DIAPH2: variants seen among roughly 807,000 people sequenced by gnomAD.
DIAPH2 encodes the protein protein diaphanous homolog 2.
In DIAPH2, 35 loss-of-function variants were observed where a neutral mutation model predicts 92.7. That is an observed-to-expected ratio of 0.38 (90% CI 0.29 to 0.50). The LOEUF (loss-of-function observed/expected upper bound fraction) is 0.50, where lower values mean the gene tolerates loss of function less well. Among genes scored for constraint, DIAPH2 ranks in the 20% least tolerant of loss-of-function variants. The probability of loss-of-function intolerance (pLI) is 0.94; values close to 1 mark genes in which losing one functional copy is unlikely to be tolerated. For synonymous variants in DIAPH2, 301 were observed against 280.4 expected, an observed-to-expected ratio of 1.07 and a Z score of -0.73; for missense variants, 701 against 819.5, an observed-to-expected ratio of 0.86 and a Z score of 1.77.
At chrX:96,880,902 T>C (rs761716296) in intron 4 of DIAPH2, among the ~76,000 whole-genome samples, 1 of 111,514 alleles carries the variant, frequency 9.0e-6, no homozygotes, top group Non-Finnish European at 1.9e-5. Context: ...TAGAAACAAC[T>C]CCATCTATAT....
At chrX:96,804,360 G>A (rs1305174250) in intron 4 of DIAPH2, among the ~76,000 whole-genome samples, 1 of 111,204 alleles carries the variant, frequency 9.0e-6, no homozygotes, top group Non-Finnish European at 1.9e-5. Flanking sequence ...TTCTCTCTCT[G>A]CCTCTGCCAT....
chrX:97,553,193 G>A (rs755998626), intron 26 of DIAPH2, among the ~76,000 whole-genome samples: 1 of 112,155 alleles, frequency 8.9e-6, no homozygotes, highest in Non-Finnish European at 1.9e-5. Flanking sequence ...AACTTTGGTT[G>A]TACAATTTCC....
intron 26 of DIAPH2, among the ~76,000 whole-genome samples, chrX:97,586,229 A>C (rs931819463): frequency 9.0e-6 from 1 of 111,565 alleles, no homozygotes; most frequent in African/African-American, 3.3e-5. Context: ...ACAAATTGAC[A>C]AATCCCTAAC....
intron 26 of DIAPH2, among the ~76,000 whole-genome samples, chrX:97,542,524 A>AGCG (rs1258510044): frequency 8.9e-6 from 1 of 112,420 alleles, no homozygotes. Flanking sequence ...TTTTGCTCTA[A>AGCG]GCGAAGGCAG....
chrX:97,516,392 C>G (rs2070948791), intron 26 of DIAPH2, among the ~76,000 whole-genome samples: 1 of 111,725 alleles, frequency 9.0e-6, no homozygotes, highest in South Asian at 3.7e-4. Context: ...CTTGGGTAAT[C>G]AAGACTTATA....
chrX:96,787,544 A>G (rs1349667275), intron 4 of DIAPH2, among the ~76,000 whole-genome samples: 1 of 111,066 alleles, frequency 9.0e-6, no homozygotes, highest in Non-Finnish European at 1.9e-5. Context: ...GCCAAATAGA[A>G]CTAAACATAT....
At chrX:97,248,916 T>A (rs759451092) in intron 23 of DIAPH2, among the ~76,000 whole-genome samples, 1 of 112,026 alleles carries the variant, frequency 8.9e-6, no homozygotes, top group South Asian at 3.7e-4. Context: ...GGTACTTTAG[T>A]GATTCTGAGT....
chrX:96,726,669 G>A (rs931113510), intron 1 of DIAPH2, among the ~76,000 whole-genome samples: 2 of 112,260 alleles, frequency 1.8e-5, no homozygotes, highest in Non-Finnish European at 3.8e-5. Context: ...ATAGATAGAT[G>A]TTCTAGAGTG....
chrX:96,939,727 C>T (rs1354650041), intron 12 of DIAPH2, among the ~76,000 whole-genome samples: 1 of 58,804 alleles, frequency 1.7e-5, no homozygotes, highest in Non-Finnish European at 3.0e-5. Context: ...TGCAGTGGCG[C>T]GATCTCGACT....
At chrX:96,734,063 G>A (rs1216701345) in intron 1 of DIAPH2, among the ~76,000 whole-genome samples, 1 of 112,144 alleles carries the variant, frequency 8.9e-6, no homozygotes, top group African/African-American at 3.2e-5. Flanking sequence ...AGGACCAAGT[G>A]AAAATATTGC....
intron 26 of DIAPH2, among the ~76,000 whole-genome samples, chrX:97,585,787 G>A (rs771083338): frequency 4.5e-5 from 5 of 111,118 alleles, no homozygotes; most frequent in East Asian, 2.8e-4. Flanking sequence ...CCCTTATTTC[G>A]AACTGAAATT....
intron 20 of DIAPH2, among the ~76,000 whole-genome samples, chrX:97,104,293 C>T (rs1196793392): frequency 9.0e-6 from 1 of 111,671 alleles, no homozygotes; most frequent in Non-Finnish European, 1.9e-5. Flanking sequence ...ATCTATATGG[C>T]ATTTGATAAC....
chrX:97,300,930 T>TCAAAAA (rs2068693109), intron 23 of DIAPH2, among the ~76,000 whole-genome samples: 1 of 8,583 alleles, frequency 1.2e-4, no homozygotes, highest in Non-Finnish European at 2.0e-4. Flanking sequence ...AGACTCCGTC[T>TCAAAAA]TAAAAAAAAA....
intron 23 of DIAPH2, among the ~76,000 whole-genome samples, chrX:97,275,229 G>GC (rs773014804): frequency 1.0e-3 from 106 of 105,932 alleles, no homozygotes; most frequent in Non-Finnish European, 1.6e-3. Flanking sequence ...GGGCAGAGGT[G>GC]CCCCCCCCAC....
rs756435810 is a variant in DIAPH2 at position 97,599,990 on chromosome X, A to AAAT, written c.*676_*678dup. The AAAT allele has an allele frequency of 8.9e-6, 1 of 112,850 alleles. No homozygotes were observed. The highest frequency in any genetic ancestry group is 2.8e-4 in the East Asian group (1 of 3,600). 9.3% of individuals were successfully genotyped at this position (112,850 alleles called of 1,213,427 possible). On this transcript the variant is annotated 3_prime_UTR_variant, in exon 27 of 27. Transcript: ENST00000324765. ...GCAAGCACTTCTCATTGCTAAAAATAAATAAACCAAAGTTTAACCGAATCA... is the reference window on the plus strand; with the variant it reads ...GCAAGCACTTCTCATTGCTAAAAATAAATAATAAACCAAAGTTTAACCGAATCA...
At chrX:97,340,659 T>G (rs924814391) in intron 23 of DIAPH2, among the ~76,000 whole-genome samples, 1 of 89,497 alleles carries the variant, frequency 1.1e-5, no homozygotes, top group Non-Finnish European at 2.2e-5. Flanking sequence ...GTTTTTTTTG[T>G]TTTTTTTTTT....
At chrX:97,496,030 A>T (rs2070755206) in intron 26 of DIAPH2, among the ~76,000 whole-genome samples, 1 of 111,295 alleles carries the variant, frequency 9.0e-6, no homozygotes, top group East Asian at 2.8e-4. Flanking sequence ...TCAAAACCAA[A>T]GAAGAGAAGT....
intron 21 of DIAPH2, among the ~76,000 whole-genome samples, chrX:97,127,129 G>A (rs2067099135): frequency 9.0e-6 from 1 of 110,533 alleles, no homozygotes; most frequent in Non-Finnish European, 1.9e-5. Context: ...TTGTATGTCT[G>A]TACCCCTCCC....
intron 19 of DIAPH2, among the ~76,000 whole-genome samples, chrX:97,088,391 T>C (rs189732938): frequency 8.9e-6 from 1 of 112,657 alleles, no homozygotes; most frequent in African/African-American, 3.2e-5. Flanking sequence ...TTGAAGTGAT[T>C]TTTGAAAAAG....
Sources: gnomAD v4.1 joint callset for allele counts (sites outside exome capture counted in the v4.1 genomes callset) on GRCh38, gnomAD v4.1.1 for gene constraint, MANE v1.5 for transcripts, NCBI Gene and HGNC (gene_info 2026-07-23, HGNC 2026-07-21) for gene names.